The following CERS4 variants were observed in gnomAD, a reference collection of about 807,000 sequenced individuals.
CERS4 encodes ceramide synthase 4, also known as LAG1 homolog, ceramide synthase 4.
A neutral mutation model predicts 51.8 loss-of-function variants in CERS4; 65 were observed. The observed-to-expected ratio is 1.26, with a 90% CI of 1.03 to 1.54. The LOEUF (loss-of-function observed/expected upper bound fraction) is 1.54, where lower values mean the gene tolerates loss of function less well. Ranked by LOEUF, CERS4 falls within the 40% of genes most tolerant of loss-of-function variation. CERS4 has a pLI of 0.00. For synonymous variants in CERS4, 228 were observed against 208.4 expected, an observed-to-expected ratio of 1.09 and a Z score of -0.81; for missense variants, 563 against 500.4, an observed-to-expected ratio of 1.13 and a Z score of -1.19.
chr19:8,257,137 C>G lies in CERS4; in HGVS notation c.741+60C>G, dbSNP rs1313157513. 3.3e-6 allele frequency: 5 copies of G among 1,515,138 alleles called. No homozygotes were observed. In the Admixed American group the frequency reaches 6.1e-5, roughly 18 times the overall value. 93.9% of individuals were successfully genotyped at this position (1,515,138 alleles called of 1,614,324 possible). A position where few individuals can be genotyped will look rare whatever the true frequency, so the allele number is the denominator to read the frequency against. ...CTGTACCCAGCCCTCCCAGGTGCCCCAGAGATGAGGTCCCATTCCTCCCAA... is the reference window on the plus strand; with the variant it reads ...CTGTACCCAGCCCTCCCAGGTGCCCGAGAGATGAGGTCCCATTCCTCCCAA... On this transcript the variant is annotated intron_variant, in intron 9 of 11. Coordinates refer to ENST00000251363, the MANE Select transcript of CERS4 (RefSeq NM_024552.3).
chr19:8,259,127 CTG>C (rs2145335636), intron 10 of CERS4, among the ~76,000 whole-genome samples: 1 of 152,238 alleles, frequency 6.6e-6, no homozygotes, highest in African/African-American at 2.4e-5. Flanking sequence ...GAGCAAGACT[CTG>C]TCTCTAAATA....
chr19:8,253,617 A>C (rs1405646843), intron 3 of CERS4, among the ~76,000 whole-genome samples: 1 of 151,298 alleles, frequency 6.6e-6, no homozygotes, highest in Non-Finnish European at 1.5e-5. Flanking sequence ...GGGGCCCGCC[A>C]CCTCGCCCGG....
intron 10 of CERS4, chr19:8,260,969 AAAAAAAAACAAG>A (rs1396833330): frequency 1.6e-4 from 18 of 111,780 alleles, no homozygotes; most frequent in African/African-American, 5.5e-4. Flanking sequence ...AAAAAAAAAA[AAAAAAAAACAAG>A]AACCACAGCT....
chr19:8,239,991 G>A (rs1029624464), intron 2 of CERS4, among the ~76,000 whole-genome samples: 4 of 152,146 alleles, frequency 2.6e-5, no homozygotes, highest in African/African-American at 9.7e-5. Context: ...GGGACAAGAG[G>A]GTTGAAGGAA....
intron 2 of CERS4, among the ~76,000 whole-genome samples, chr19:8,245,122 A>ACAAAAAC (rs755450125): frequency 7.7e-6 from 1 of 129,258 alleles, no homozygotes; most frequent in Non-Finnish European, 1.6e-5. Context: ...AAAAAAAAAA[A>ACAAAAAC]AAAAAAAAAA....
intron 2 of CERS4, among the ~76,000 whole-genome samples, chr19:8,244,605 A>G (rs1968676597): frequency 6.6e-6 from 1 of 151,926 alleles, no homozygotes; most frequent in African/African-American, 2.4e-5. Flanking sequence ...CCTTATCTCA[A>G]CTGGACATGC....
intron 2 of CERS4, among the ~76,000 whole-genome samples, chr19:8,247,368 A>T (rs1370910153): frequency 6.6e-6 from 1 of 151,402 alleles, no homozygotes; most frequent in Non-Finnish European, 1.5e-5. Context: ...CTGCGTATTT[A>T]TCTAGAAAGC....
chr19:8,246,728 G>A (rs767456005), intron 2 of CERS4, among the ~76,000 whole-genome samples: 1 of 152,034 alleles, frequency 6.6e-6, no homozygotes, highest in Non-Finnish European at 1.5e-5. Context: ...GACTGATGGT[G>A]GATAGAGGGA....
At position 8,256,892 on chromosome 19, in the gene CERS4, G is replaced by T. The variant is rs760771873; in HGVS notation, c.613-57G>T. The T allele has an allele frequency of 1.2e-4, 199 of 1,612,592 alleles. No individual in the cohort carries two copies. The highest frequency in any genetic ancestry group is 1.6e-4 in the Non-Finnish European group (192 of 1,179,470). On this transcript the variant is annotated intron_variant, in intron 8 of 11. Transcript: ENST00000251363. ...AAGGACCCACTTCTTGGCCCATAGG[G>T]TGGGGGACCTTCCAGCATCAAGCCT...
chr19:8,245,440 A>T (rs562910805), intron 2 of CERS4, among the ~76,000 whole-genome samples: 5 of 151,264 alleles, frequency 3.3e-5, no homozygotes, highest in Non-Finnish European at 7.4e-5. Flanking sequence ...TTGTAGAGAC[A>T]GTTTCGCTAT....
chr19:8,254,322 CAAAAAAAAAAA>C (rs74176633), intron 3 of CERS4, among the ~76,000 whole-genome samples, 166 bp from the exon 4 acceptor site: 2 of 38,772 alleles, frequency 5.2e-5, no homozygotes, highest in Non-Finnish European at 1.0e-4. Flanking sequence ...TACTCTGTCT[CAAAAAAAAAAA>C]AAAAAAAAAG....
At chr19:8,247,356 T>C (rs1038858667) in intron 2 of CERS4, among the ~76,000 whole-genome samples, 4 of 151,906 alleles carry the variant, frequency 2.6e-5, no homozygotes, top group Non-Finnish European at 5.9e-5. Flanking sequence ...CCTTTGCACC[T>C]GCTGCGTATT....
chr19:8,256,598 C>G lies in CERS4; in HGVS notation c.520-20C>G. Reference sequence around the variant, plus strand: ...GGAGCCTTCGCTCCCCACAGCTAACCTTGTCCTGTCCTGCTGCAGACTCTG... The same window carrying G: ...GGAGCCTTCGCTCCCCACAGCTAACGTTGTCCTGTCCTGCTGCAGACTCTG... On this transcript the variant is annotated intron_variant, in intron 7 of 11. Coordinates refer to ENST00000251363, the MANE Select transcript of CERS4 (RefSeq NM_024552.3). 6.2e-7 allele frequency: 1 copy of G among 1,603,316 alleles called. No individual in the cohort carries two copies. Among genetic ancestry groups the G allele is most frequent in the Non-Finnish European group, 8.5e-7 (1 of 1,175,646 alleles).
At position 8,210,550 on chromosome 19, in the gene CERS4, CTG is replaced by C. The variant is rs1231084019; in HGVS notation, c.-158-155_-158-154del. On this transcript the variant is annotated intron_variant, in intron 1 of 11. Coordinates refer to ENST00000251363, the MANE Select transcript of CERS4 (RefSeq NM_024552.3). This position sits in a 1 kb window ranked among gnomAD's most constrained non-coding sequence, Gnocchi z 4.2. The stretch of plus-strand genomic sequence containing the variant: ...GGGGAATGCTCCCATCGACTCCAGT[CTG>C]AGCTCAGGCAAGGTCTCAGGCATCT... 1.3e-5 allele frequency: 2 copies of C among 152,090 alleles called. No homozygotes were observed. Among genetic ancestry groups the C allele is most frequent in the African/African-American group, 4.9e-5 (2 of 41,218 alleles). The allele number at this position is 152,090 out of a possible 1,614,324, so 9.4% of individuals were successfully genotyped here.
At chr19:8,245,534 TTTTTATTTA>T (rs1388537821) in intron 2 of CERS4, among the ~76,000 whole-genome samples, 1 of 151,688 alleles carries the variant, frequency 6.6e-6, no homozygotes, top group East Asian at 1.9e-4. Context: ...GGTATTTTTA[TTTTTATTTA>T]TTTTATTTAT....
chr19:8,215,248 G>C (rs1458802091), intron 2 of CERS4, among the ~76,000 whole-genome samples: 1 of 152,124 alleles, frequency 6.6e-6, no homozygotes, highest in African/African-American at 2.4e-5. Context: ...GGAGGCCGAT[G>C]TGGGTGGATC....
At chr19:8,250,833 C>T (rs1001996877) in intron 2 of CERS4, 5 of 1,287,346 alleles carry the variant, frequency 3.9e-6, no homozygotes, top group African/African-American at 3.1e-5. Context: ...CCAACTCTGC[C>T]TTTTAACACT....
At position 8,251,118 on chromosome 19, in the gene CERS4, CT is replaced by C; in HGVS notation, c.43del (p.Trp15GlyfsTer11). The C allele has an allele frequency of 1.2e-6, 2 of 1,611,214 alleles. No homozygotes were observed. Among genetic ancestry groups the C allele is most frequent in the Non-Finnish European group, 1.7e-6 (2 of 1,178,904 alleles). ...ACGAGTGGTTTTGGCAGGACAGGTTCTGGTTACCACCCAATGTCACGTGGAC... is the reference window on the plus strand; with the variant it reads ...ACGAGTGGTTTTGGCAGGACAGGTTCGGTTACCACCCAATGTCACGTGGAC... ...FNEWFWQDRF[W>X]LPPNVTWTEL... On this transcript the variant is annotated frameshift_variant, in exon 3 of 12. Transcript: ENST00000251363. LOFTEE classifies it high-confidence loss of function.
rs147599379 is a variant in CERS4 at position 8,210,022 on chromosome 19, C to CCAGGAAACAGCAAGACTGTGTGG, written c.-159+532_-159+533insAAACAGCAAGACTGTGTGGCAGG. On this transcript the variant is annotated intron_variant, in intron 1 of 11. Transcript: ENST00000251363. This position sits in a 1 kb window ranked among gnomAD's most constrained non-coding sequence, Gnocchi z 4.2. ...ACCAGCCAGCGAGGGCTTTTTAGGC[C>CCAGGAAACAGCAAGACTGTGTGG]CAGGGCCTAGCCGGGAGTGTGTGCG... 6.6e-6 allele frequency: 1 copy of CCAGGAAACAGCAAGACTGTGTGG among 152,082 alleles called. No homozygotes were observed. The highest frequency in any genetic ancestry group is 1.5e-5 in the Non-Finnish European group (1 of 68,068). The allele number at this position is 152,082 out of a possible 1,614,324, so 9.4% of individuals were successfully genotyped here.
Sources: allele counts gnomAD v4.1 joint callset (sites outside exome capture counted in the v4.1 genomes callset), GRCh38; gene constraint gnomAD v4.1.1; non-coding constraint Gnocchi (gnomAD v3.1); transcripts MANE v1.5; gene names NCBI Gene and HGNC (gene_info 2026-07-23, HGNC 2026-07-21).